The following LSAMP variants were observed in gnomAD, a reference collection of about 807,000 sequenced individuals.
LSAMP encodes limbic system associated membrane protein.
LSAMP carries 7 observed loss-of-function variants against 38.6 expected under a neutral mutation model. The observed-to-expected ratio is 0.18, with a 90% confidence interval of 0.10 to 0.34. The LOEUF is 0.34. Among genes scored for constraint, LSAMP ranks in the 10% least tolerant of loss-of-function variants. The pLI is 1.00. For synonymous variants in LSAMP, 154 were observed against 166.8 expected (o/e 0.92, Z 0.59); for missense variants, 313 against 420.0 (o/e 0.75, Z 2.23).
chr3:115,943,546 C>A (rs1054932400), intron 3 of LSAMP, among the ~76,000 whole-genome samples: 3 of 152,210 alleles, frequency 2.0e-5, no homozygotes, highest in African/African-American at 7.2e-5. Flanking sequence ...GCCTGACAGG[C>A]TATCTGTTCT....
intron 1 of LSAMP, among the ~76,000 whole-genome samples, chr3:116,109,305 A>G (rs1708543434): frequency 6.6e-6 from 1 of 152,156 alleles, no homozygotes; most frequent in Non-Finnish European, 1.5e-5. Context: ...GGCAATAAAA[A>G]GATTATAGGG....
intron 2 of LSAMP, among the ~76,000 whole-genome samples, chr3:116,031,868 A>G (rs1940933149): frequency 6.6e-6 from 1 of 152,084 alleles, no homozygotes. Context: ...CTAAACAAAT[A>G]GAGTTACCAT....
intron 1 of LSAMP, among the ~76,000 whole-genome samples, chr3:116,114,855 T>C (rs564191378): frequency 6.6e-6 from 1 of 152,344 alleles, no homozygotes; most frequent in East Asian, 1.9e-4. Flanking sequence ...TCAGCTATTA[T>C]GTCAGTGGGA....
intron 3 of LSAMP, among the ~76,000 whole-genome samples, chr3:115,962,096 A>G (rs562610160): frequency 3.9e-4 from 59 of 152,332 alleles, no homozygotes; most frequent in African/African-American, 1.4e-3. Flanking sequence ...AAAATCACAT[A>G]AACAGTAAAG....
intron 1 of LSAMP, among the ~76,000 whole-genome samples, chr3:116,258,286 C>A (rs1302564472): frequency 7.9e-5 from 12 of 152,024 alleles, no homozygotes; most frequent in Admixed American, 7.9e-4. Flanking sequence ...CCATTTATAT[C>A]AGTCTCCTTT....
At chr3:116,080,209 C>T (rs572252373) in intron 2 of LSAMP, among the ~76,000 whole-genome samples, 1 of 152,282 alleles carries the variant, frequency 6.6e-6, no homozygotes, top group South Asian at 2.1e-4. Context: ...TTAAAATCTT[C>T]ATAGATTCAA....
intron 3 of LSAMP, among the ~76,000 whole-genome samples, chr3:116,011,869 T>G (rs575401243): frequency 6.6e-6 from 1 of 152,330 alleles, no homozygotes; most frequent in South Asian, 2.1e-4. Flanking sequence ...CCCCTTTGCT[T>G]CTGACAACCC....
chr3:115,886,090 TAAGCTCAAAAA>T (rs1329229911), intron 3 of LSAMP, among the ~76,000 whole-genome samples: 2 of 151,948 alleles, frequency 1.3e-5, no homozygotes, highest in African/African-American at 4.8e-5. Context: ...CAGCTATGTT[TAAGCTCAAAAA>T]AAGAGAAAGA....
chr3:116,191,765 G>T (rs181791575), intron 1 of LSAMP, among the ~76,000 whole-genome samples: 3 of 145,968 alleles, frequency 2.1e-5, no homozygotes, highest in African/African-American at 2.6e-5. Context: ...ACCTAATGGG[G>T]CTTCTAAAGC....
At chr3:116,188,762 AG>A (rs547507733) in intron 1 of LSAMP, among the ~76,000 whole-genome samples, 140 of 152,324 alleles carry the variant, frequency 9.2e-4, no homozygotes, top group African/African-American at 3.2e-3. Flanking sequence ...GGAATTCAAA[AG>A]TAATTAAGAA....
chr3:116,350,519 G>A lies in LSAMP; in HGVS notation c.155+94358C>T, dbSNP rs561492405. Among the ~76,000 whole-genome samples the A allele has an allele frequency of 2.6e-5, 4 of 152,064 alleles. No homozygotes were observed. In the East Asian group the frequency reaches 7.7e-4, roughly 29 times the overall value. ...ATCAATCTTGTTCTGTCCTGCCTGG[G>A]ACATAAATTATCCCTTTGTCCTGCT... On this transcript the variant is annotated intron_variant, in intron 1 of 6. Coordinates refer to ENST00000490035, the MANE Select transcript of LSAMP (RefSeq NM_002338.5).
chr3:116,044,278 T>A (rs745390517), intron 2 of LSAMP, among the ~76,000 whole-genome samples: 9 of 152,234 alleles, frequency 5.9e-5, no homozygotes, highest in Non-Finnish European at 1.3e-4. Context: ...TATTTCCCCT[T>A]GCCCAAAGAT....
intron 3 of LSAMP, among the ~76,000 whole-genome samples, chr3:115,939,061 C>T (rs1267584211): frequency 6.6e-6 from 1 of 152,042 alleles, no homozygotes; most frequent in African/African-American, 2.4e-5. Flanking sequence ...AAAGGGAATA[C>T]ACTTTGACCT....
At chr3:116,357,015 G>A (rs913538723) in intron 1 of LSAMP, among the ~76,000 whole-genome samples, 11 of 152,014 alleles carry the variant, frequency 7.2e-5, no homozygotes, top group Non-Finnish European at 1.3e-4. Flanking sequence ...GGATGGTCTC[G>A]ATCTCCTGAC....
In LSAMP at chr3:115,862,725, G is replaced by T. The variant is rs1559856347; in HGVS notation, c.515-10108C>A. Among the ~76,000 whole-genome samples the T allele has an allele frequency of 2.0e-5, 3 of 152,190 alleles. No individual in the cohort carries two copies. The South Asian group carries it at 6.2e-4, about 31-fold the overall frequency. On this transcript the variant is annotated intron_variant, in intron 3 of 6. Transcript: ENST00000490035. ...AACAAATTAAAGGGTCCAGCCATTGGCTTCTTCATTTTGACCTAAAGGTAC... is the reference window on the plus strand; with the variant it reads ...AACAAATTAAAGGGTCCAGCCATTGTCTTCTTCATTTTGACCTAAAGGTAC...
rs180718511 is a variant in LSAMP at position 116,043,091 on chromosome 3, A to G, written c.389-23451T>C. On this transcript the variant is annotated intron_variant, in intron 2 of 6. Coordinates refer to ENST00000490035, the MANE Select transcript of LSAMP (RefSeq NM_002338.5). Reference sequence around the variant, plus strand: ...AACATCCCTGGCCTCTATCTATTGGAAACGAGTAGTATTCACTCATTTGGA... The same window carrying G: ...AACATCCCTGGCCTCTATCTATTGGGAACGAGTAGTATTCACTCATTTGGA... 1.1e-4 allele frequency among the ~76,000 whole-genome samples: 17 copies of G among 152,326 alleles called. 1 individual carries two copies. Among genetic ancestry groups the G allele is most frequent in the Admixed American group, 1.0e-3 (16 of 15,302 alleles).
chr3:116,009,016 C>A (rs1940247309), intron 3 of LSAMP, among the ~76,000 whole-genome samples: 1 of 152,314 alleles, frequency 6.6e-6, no homozygotes, highest in Admixed American at 6.5e-5. Flanking sequence ...CAGAGTCCAA[C>A]CTTGTAGCCA....
chr3:115,894,540 G>A (rs1936681264), intron 3 of LSAMP, among the ~76,000 whole-genome samples: 1 of 151,982 alleles, frequency 6.6e-6, no homozygotes, highest in South Asian at 2.1e-4. Flanking sequence ...AGAAGAAAAT[G>A]GCTTCTTTGG....
intron 3 of LSAMP, among the ~76,000 whole-genome samples, chr3:115,997,848 A>G (rs1268953558): frequency 6.9e-6 from 1 of 145,524 alleles, no homozygotes; most frequent in African/African-American, 2.5e-5. Context: ...AATATATATT[A>G]TGTATTTTAT....
Sources: allele counts gnomAD v4.1 joint callset (sites outside exome capture counted in the v4.1 genomes callset), GRCh38; gene constraint gnomAD v4.1.1; transcripts MANE v1.5; gene names NCBI Gene and HGNC (gene_info 2026-07-23, HGNC 2026-07-21).